GHR: variants seen among roughly 807,000 people sequenced by gnomAD.
GHR encodes the protein growth hormone receptor.
In GHR, 35 loss-of-function variants were observed where a neutral mutation model predicts 67.1. That is an observed-to-expected ratio of 0.52 (90% confidence interval 0.40 to 0.69). The LOEUF (loss-of-function observed/expected upper bound fraction) is 0.69, where lower values mean the gene tolerates loss of function less well. Ranked by LOEUF, GHR falls within the 30% of genes least tolerant of loss-of-function variation. The pLI is 0.00. For synonymous variants in GHR, 272 were observed against 269.1 expected, an observed-to-expected ratio of 1.01 and a Z score of -0.10; for missense variants, 792 against 764.6, an observed-to-expected ratio of 1.04 and a Z score of -0.42.
intron 2 of GHR, 109 bp downstream of exon 2, chr5:42,566,053 A>G (rs1256373204): frequency 2.0e-5 from 26 of 1,291,890 alleles, no homozygotes; most frequent in Non-Finnish European, 2.8e-5. Flanking sequence ...CAAGTTTTAC[A>G]TAGCAGCAAA....
chr5:42,583,537 A>G (rs975569651), intron 2 of GHR, among the ~76,000 whole-genome samples: 1 of 152,216 alleles, frequency 6.6e-6, no homozygotes, highest in Admixed American at 6.5e-5. Context: ...AGTTCACACA[A>G]GTCAGCGCAG....
chr5:42,668,027 C>A (rs931004302), intron 3 of GHR, among the ~76,000 whole-genome samples: 1 of 152,130 alleles, frequency 6.6e-6, no homozygotes, highest in Non-Finnish European at 1.5e-5. Context: ...TACTGGATTA[C>A]GATCTTCAAG....
intron 3 of GHR, among the ~76,000 whole-genome samples, chr5:42,633,427 C>T (rs1315087754): frequency 6.6e-6 from 1 of 152,276 alleles, no homozygotes; most frequent in East Asian, 1.9e-4. Context: ...AGTTCACAAA[C>T]ATTCAAACAA....
Position 42,475,511 on chromosome 5 carries a change from CT to C in GHR, c.-12+51559del, listed in dbSNP as rs1358713568. ...AGATCATTGTCTTCTTCCAATTCAA[CT>C]TTCCCTCCTTTCTCCTTCCCTTTCT... is the stretch of plus-strand genomic sequence containing the variant. On this transcript the variant is annotated intron_variant, in intron 1 of 9. Coordinates refer to ENST00000230882, the MANE Select transcript of GHR (RefSeq NM_000163.5). Among the ~76,000 whole-genome samples the C allele has an allele frequency of 4.6e-5, 7 of 152,140 alleles. No individual in the cohort carries two copies. In the East Asian group the frequency reaches 1.4e-3, roughly 29 times the overall value.
At position 42,478,891 on chromosome 5, in the gene GHR, C is replaced by A. The variant is rs7707482; in HGVS notation, c.-12+54936C>A. Among the ~76,000 whole-genome samples the A allele has an allele frequency of 2.5e-3, 379 of 151,996 alleles. 1 individual carries two copies. The highest frequency in any genetic ancestry group is 8.6e-3 in the African/African-American group (355 of 41,428). ...TACCCTTTATTTCCTTCTCCTGCCT[C>A]ATTGCCCTGGCCAGAACTTCCAACA... On this transcript the variant is annotated intron_variant, in intron 1 of 9. Coordinates refer to ENST00000230882, the MANE Select transcript of GHR (RefSeq NM_000163.5).
At position 42,584,798 on chromosome 5, in the gene GHR, C is replaced by G. The variant is rs934937840; in HGVS notation, c.70+18854C>G. ...TAACTAGAATGTATACACACACACACACACACACACACACACACGTGCATG... is the reference window on the plus strand; with the variant it reads ...TAACTAGAATGTATACACACACACAGACACACACACACACACACGTGCATG... On this transcript the variant is annotated intron_variant, in intron 2 of 9. Coordinates refer to ENST00000230882, the MANE Select transcript of GHR (RefSeq NM_000163.5). 2.2e-3 allele frequency among the ~76,000 whole-genome samples: 333 copies of G among 152,132 alleles called. 2 individuals carry two copies. The highest frequency in any genetic ancestry group is 7.8e-3 in the African/African-American group (325 of 41,494).
Position 42,480,155 on chromosome 5 carries a change from A to T in GHR, c.-12+56200A>T, listed in dbSNP as rs1393690522. Among the ~76,000 whole-genome samples the T allele has an allele frequency of 3.9e-5, 6 of 152,206 alleles. No individual in the cohort carries two copies. The South Asian group carries it at 6.2e-4, about 16-fold the overall frequency. On this transcript the variant is annotated intron_variant, in intron 1 of 9. Coordinates refer to ENST00000230882, the MANE Select transcript of GHR (RefSeq NM_000163.5). ...TCATTTTGTTATGTACCCAGTAGTC[A>T]TTCAGGAGCAGGTTGTTCAGTTTCC...
chr5:42,554,485 A>G (rs1043038082), intron 1 of GHR, among the ~76,000 whole-genome samples: 1 of 152,228 alleles, frequency 6.6e-6, no homozygotes, highest in African/African-American at 2.4e-5. Flanking sequence ...TTAAAAAATT[A>G]TCAGATCTTG....
At chr5:42,603,817 A>G (rs1002415565) in intron 2 of GHR, among the ~76,000 whole-genome samples, 1 of 152,108 alleles carries the variant, frequency 6.6e-6, no homozygotes, top group Non-Finnish European at 1.5e-5. Flanking sequence ...TTCAATTCCA[A>G]CACTTCTACT....
intron 2 of GHR, among the ~76,000 whole-genome samples, chr5:42,585,823 A>G (rs1751446947): frequency 6.6e-6 from 1 of 152,190 alleles, no homozygotes; most frequent in African/African-American, 2.4e-5. Context: ...ATCTAAGCTA[A>G]CATTACTAAC....
At chr5:42,639,422 T>C (rs150689041) in intron 3 of GHR, among the ~76,000 whole-genome samples, 31 of 152,352 alleles carry the variant, frequency 2.0e-4, no homozygotes, top group Admixed American at 4.6e-4. Context: ...ATGTCATTCA[T>C]GTCTTCACTG....
intron 3 of GHR, among the ~76,000 whole-genome samples, chr5:42,676,813 AC>A (rs1448209398): frequency 1.3e-5 from 2 of 152,288 alleles, no homozygotes; most frequent in East Asian, 3.9e-4. Context: ...AGCTCTTCAA[AC>A]AAAATAGCAC....
intron 2 of GHR, among the ~76,000 whole-genome samples, chr5:42,587,622 T>A (rs1308828966): frequency 6.6e-6 from 1 of 152,172 alleles, no homozygotes; most frequent in Admixed American, 6.5e-5. Flanking sequence ...TTTGCTCCCT[T>A]CTCTTTCGTA....
intron 3 of GHR, among the ~76,000 whole-genome samples, chr5:42,661,161 C>T (rs1242338790): frequency 2.6e-5 from 4 of 152,140 alleles, no homozygotes; most frequent in Non-Finnish European, 5.9e-5. Flanking sequence ...GAGAATGGAA[C>T]CAAGTTGGAA....
intron 1 of GHR, among the ~76,000 whole-genome samples, chr5:42,488,928 T>C (rs1745997169): frequency 1.3e-5 from 2 of 152,200 alleles, no homozygotes; most frequent in Admixed American, 6.5e-5. Flanking sequence ...CCCAAGTTCA[T>C]CGAGTTACTG....
intron 3 of GHR, among the ~76,000 whole-genome samples, chr5:42,632,933 A>G (rs907881914): frequency 2.6e-5 from 4 of 152,190 alleles, no homozygotes; most frequent in Non-Finnish European, 4.4e-5. Context: ...GAGAAAAGCA[A>G]AACATTTTTA....
chr5:42,588,875 T>A (rs1487602978), intron 2 of GHR, among the ~76,000 whole-genome samples: 1 of 152,218 alleles, frequency 6.6e-6, no homozygotes, highest in Non-Finnish European at 1.5e-5. Context: ...GTCATTTGTT[T>A]AACCATTGGT....
At chr5:42,527,566 T>C (rs1316130326) in intron 1 of GHR, among the ~76,000 whole-genome samples, 1 of 152,172 alleles carries the variant, frequency 6.6e-6, no homozygotes, top group East Asian at 1.9e-4. Context: ...TAAGGCAAGG[T>C]CTTAGATACC....
intron 2 of GHR, among the ~76,000 whole-genome samples, chr5:42,614,479 C>G (rs964577026): frequency 6.7e-6 from 1 of 148,310 alleles, no homozygotes; most frequent in Non-Finnish European, 1.5e-5. Context: ...GCATTTCTAA[C>G]GAGCTTCCAG....
Sources: gnomAD v4.1 joint callset for allele counts (sites outside exome capture counted in the v4.1 genomes callset) on GRCh38, gnomAD v4.1.1 for gene constraint, MANE v1.5 for transcripts, NCBI Gene and HGNC (gene_info 2026-07-23, HGNC 2026-07-21) for gene names.